Variants in SNTG1 observed in about 807,000 individuals in gnomAD.
SNTG1 encodes the protein gamma-1-syntrophin.
Under a neutral mutation model 74.7 loss-of-function variants are expected in SNTG1, and 39 were observed. That is an observed-to-expected ratio of 0.52 (90% CI 0.40 to 0.68). The LOEUF (loss-of-function observed/expected upper bound fraction) is 0.68. SNTG1 is among the 30% of genes least tolerant of loss of function. The pLI, the probability that SNTG1 is intolerant of heterozygous loss-of-function variation, is 0.00. For missense variants in SNTG1, 685 were observed against 609.5 expected, an observed-to-expected ratio of 1.12 and a Z score of -1.30; for synonymous variants, 254 against 217.1, an observed-to-expected ratio of 1.17 and a Z score of -1.49.
intron 2 of SNTG1, among the ~76,000 whole-genome samples, chr8:50,325,593 TTAGTTC>T (rs2090713242): frequency 1.3e-5 from 2 of 152,076 alleles, no homozygotes; most frequent in South Asian, 4.1e-4. Context: ...ATATTACTTA[TTAGTTC>T]TAGGAGTTAT....
At chr8:50,142,835 G>T (rs1398250661) in intron 1 of SNTG1, among the ~76,000 whole-genome samples, 1 of 152,122 alleles carries the variant, frequency 6.6e-6, no homozygotes, top group African/African-American at 2.4e-5. Flanking sequence ...ACTTTGGGAG[G>T]CCAAGGCGGG....
intron 4 of SNTG1, among the ~76,000 whole-genome samples, chr8:50,407,148 T>C (rs1201197131): frequency 1.3e-5 from 2 of 152,124 alleles, no homozygotes; most frequent in African/African-American, 2.4e-5. Context: ...ACCTCTCTTA[T>C]CAGCTAATTA....
intron 13 of SNTG1, among the ~76,000 whole-genome samples, chr8:50,633,163 T>C (rs2095014550): frequency 4.0e-5 from 1 of 24,872 alleles, no homozygotes; most frequent in African/African-American, 6.1e-5. Flanking sequence ...TGCCTATTAA[T>C]GTGGAGTAAT....
intron 1 of SNTG1, among the ~76,000 whole-genome samples, chr8:50,091,325 T>C (rs879455489): frequency 2.0e-5 from 3 of 152,188 alleles, no homozygotes; most frequent in South Asian, 2.1e-4. Flanking sequence ...ACCTGAAATC[T>C]ACTCTTTTAG....
chr8:50,018,394 G>C (rs1816527428), intron 1 of SNTG1, among the ~76,000 whole-genome samples: 1 of 151,986 alleles, frequency 6.6e-6, no homozygotes, highest in African/African-American at 2.4e-5. Context: ...ATTCAATGGA[G>C]AGGGAAAATT....
intron 16 of SNTG1, among the ~76,000 whole-genome samples, chr8:50,705,648 G>A (rs112633427): frequency 1.0e-3 from 156 of 151,924 alleles, no homozygotes; most frequent in African/African-American, 3.6e-3. Context: ...CTAAATTATA[G>A]GTTGTTTGGA....
chr8:49,928,839 A>C (rs1421035648), intron 1 of SNTG1, among the ~76,000 whole-genome samples: 1 of 152,152 alleles, frequency 6.6e-6, no homozygotes, highest in Non-Finnish European at 1.5e-5. Context: ...ATTGTTTAGG[A>C]CATGCATAAT....
intron 17 of SNTG1, among the ~76,000 whole-genome samples, chr8:50,722,263 C>G (rs1413347901): frequency 6.6e-6 from 1 of 151,328 alleles, no homozygotes; most frequent in East Asian, 2.0e-4. Context: ...CAACATCCAC[C>G]TCCCAGGTTC....
chr8:50,111,266 A>AC (rs574953138), intron 1 of SNTG1, among the ~76,000 whole-genome samples: 94 of 151,730 alleles, frequency 6.2e-4, no homozygotes, highest in African/African-American at 1.6e-3. Flanking sequence ...TTGAAGCTCT[A>AC]CCCCCCCAAT....
chr8:50,448,613 C>A (rs929016471), intron 5 of SNTG1, among the ~76,000 whole-genome samples: 2 of 152,144 alleles, frequency 1.3e-5, no homozygotes, highest in African/African-American at 2.4e-5. Flanking sequence ...CTGCTTTTAA[C>A]CTTCTCAACT....
intron 1 of SNTG1, among the ~76,000 whole-genome samples, chr8:50,089,137 C>G (rs28826079): frequency 0.2 from 29,148 of 149,090 alleles, 2,888 homozygotes; most frequent in South Asian, 0.36. Context: ...ACAAACCTGA[C>G]AAAAACAAGC....
At chr8:50,200,537 C>G (rs923912946) in intron 2 of SNTG1, among the ~76,000 whole-genome samples, 6 of 152,142 alleles carry the variant, frequency 3.9e-5, no homozygotes, top group Non-Finnish European at 5.9e-5. Context: ...ATTCTCTGCT[C>G]TCTCTTAAAA....
chr8:50,243,823 T>A (rs1022210918), intron 2 of SNTG1, among the ~76,000 whole-genome samples: 1 of 152,154 alleles, frequency 6.6e-6, no homozygotes, highest in Non-Finnish European at 1.5e-5. Flanking sequence ...AATGAACATA[T>A]GATTGAGGAT....
intron 4 of SNTG1, among the ~76,000 whole-genome samples, chr8:50,436,844 A>C (rs544213128): frequency 6.6e-6 from 1 of 152,224 alleles, no homozygotes; most frequent in East Asian, 1.9e-4. Context: ...CACATGTTTA[A>C]CCTTCCTTTT....
rs78633810 is a variant in SNTG1 at position 50,485,115 on chromosome 8, A to G, written c.364-17663A>G. Among the ~76,000 whole-genome samples, 356 of 152,298 alleles carry G rather than the reference A, an allele frequency of 2.3e-3. 2 individuals carry two copies. Among genetic ancestry groups the G allele is most frequent in the African/African-American group, 8.3e-3 (344 of 41,580 alleles). ...TGATCTGATAATGGAAACTTTGCTC[A>G]TTTGAGGAAGTCATTGGTGGTCTCT... On this transcript the variant is annotated intron_variant, in intron 8 of 18. Coordinates refer to ENST00000642720, the MANE Select transcript of SNTG1 (RefSeq NM_018967.5).
chr8:50,711,502 G>A (rs574644478), intron 17 of SNTG1, among the ~76,000 whole-genome samples: 8 of 152,246 alleles, frequency 5.3e-5, no homozygotes, highest in Middle Eastern at 3.4e-3. Context: ...TCCATATAAA[G>A]CAAATAGTGT....
chr8:50,544,432 T>C (rs979478123), intron 11 of SNTG1, among the ~76,000 whole-genome samples: 1 of 152,102 alleles, frequency 6.6e-6, no homozygotes, highest in Non-Finnish European at 1.5e-5. Context: ...TTCTTTCTTT[T>C]GGTTCTATTT....
chr8:50,228,010 G>C (rs2085428366), intron 2 of SNTG1, among the ~76,000 whole-genome samples: 1 of 150,140 alleles, frequency 6.7e-6, no homozygotes, highest in Admixed American at 6.6e-5. Context: ...ATCAGATTAT[G>C]ACACAGATTT....
intron 8 of SNTG1, among the ~76,000 whole-genome samples, chr8:50,476,014 A>G (rs1587747715): frequency 1.3e-5 from 2 of 152,176 alleles, no homozygotes; most frequent in East Asian, 1.9e-4. Flanking sequence ...CCAGTCCCCC[A>G]TGGACTTGAA....
Sources: gnomAD v4.1 joint callset for allele counts (sites outside exome capture counted in the v4.1 genomes callset) on GRCh38, gnomAD v4.1.1 for gene constraint, MANE v1.5 for transcripts, NCBI Gene and HGNC (gene_info 2026-07-23, HGNC 2026-07-21) for gene names.